FAM20A: variants seen among roughly 807,000 people sequenced by gnomAD.
FAM20A encodes the protein FAM20A golgi associated secretory pathway pseudokinase.
Under a neutral mutation model 52.0 loss-of-function variants are expected in FAM20A, and 42 were observed. The ratio of observed to expected loss-of-function variants is 0.81; its 90% CI spans 0.63 to 1.04. The LOEUF is 1.04. Among genes scored for constraint, FAM20A ranks in the 50% least tolerant of loss-of-function variants. The probability of loss-of-function intolerance (pLI) is 0.00; values close to 1 mark genes in which losing one functional copy is unlikely to be tolerated. For missense variants in FAM20A, 742 were observed against 712.7 expected, an observed-to-expected ratio of 1.04 and a Z score of -0.47; for synonymous variants, 304 against 298.9, an observed-to-expected ratio of 1.02 and a Z score of -0.18.
intron 1 of FAM20A, among the ~76,000 whole-genome samples, chr17:68,580,999 TC>T (rs1001725582): frequency 2.8e-4 from 43 of 152,098 alleles, no homozygotes; most frequent in Non-Finnish European, 4.4e-4. Flanking sequence ...TAATGATTTT[TC>T]CCCCTGATTA....
intron 4 of FAM20A, among the ~76,000 whole-genome samples, chr17:68,546,597 G>A (rs914027929): frequency 2.0e-5 from 3 of 152,050 alleles, no homozygotes; most frequent in Non-Finnish European, 2.9e-5. Flanking sequence ...TTGGGAGGCC[G>A]AGGCGGGCGG....
In FAM20A at chr17:68,539,997, C is replaced by G. The variant is rs370441655; in HGVS notation, c.1220-31G>C. ...AAGGAGGGGAGGACTTAGCTGGAAC[C>G]AGCAGGCCAGGGGGACAGGTGCTCC... On this transcript the variant is annotated intron_variant, in intron 8 of 10. Coordinates refer to ENST00000592554, the MANE Select transcript of FAM20A (RefSeq NM_017565.4). The G allele has an allele frequency of 2.5e-6, 4 of 1,601,740 alleles. No homozygotes were observed. The African/African-American group carries it at 5.4e-5, about 21-fold the overall frequency.
intron 7 of FAM20A, 34 bp from the exon 8 acceptor site, chr17:68,540,992 G>A: frequency 5.8e-6 from 9 of 1,556,102 alleles, no homozygotes; most frequent in Non-Finnish European, 7.8e-6. Context: ...GGCTGGAAAA[G>A]CCAAGATGGC....
chr17:68,584,985 T>C (rs1598074945), intron 1 of FAM20A, among the ~76,000 whole-genome samples: 2 of 152,250 alleles, frequency 1.3e-5, no homozygotes, highest in African/African-American at 4.8e-5. Flanking sequence ...GGTTGCTTTA[T>C]TGATGTTTTT....
rs1235580065 is a variant in FAM20A at position 68,600,135 on chromosome 17, GC to G, written c.404+127del. ...GTGGGGAACACACTCTAAGCCCAGCGCCAGGGCTGGAGCCGTGGGTGGAGCC... is the reference window on the plus strand; with the variant it reads ...GTGGGGAACACACTCTAAGCCCAGCGCAGGGCTGGAGCCGTGGGTGGAGCC... On this transcript the variant is annotated intron_variant, in intron 1 of 10. Coordinates refer to ENST00000592554, the MANE Select transcript of FAM20A (RefSeq NM_017565.4). This position sits in a 1 kb window ranked among gnomAD's most constrained non-coding sequence, Gnocchi z 6.2. 1 of 1,129,164 alleles carries G rather than the reference GC, an allele frequency of 8.9e-7. No individual in the cohort carries two copies. The allele number at this position is 1,129,164 out of a possible 1,614,324, so 69.9% of individuals were successfully genotyped here. A position where few individuals can be genotyped will look rare whatever the true frequency, so the allele number is the denominator to read the frequency against.
intron 10 of FAM20A, among the ~76,000 whole-genome samples, chr17:68,538,565 T>G (rs1374215847): frequency 6.6e-6 from 1 of 152,236 alleles, no homozygotes; most frequent in Admixed American, 6.5e-5. Flanking sequence ...TTAGACATTC[T>G]CTAGAGAAAT....
chr17:68,539,767 C>T, intron 9 of FAM20A, 118 bp downstream of exon 9: 1 of 921,742 alleles, frequency 1.1e-6, no homozygotes, highest in East Asian at 2.5e-5. Flanking sequence ...TCGAAGGAGA[C>T]AAGGCACGTG....
intron 1 of FAM20A, among the ~76,000 whole-genome samples, chr17:68,574,261 C>A (rs547324058): frequency 1.3e-5 from 2 of 152,212 alleles, no homozygotes; most frequent in Admixed American, 1.3e-4. Flanking sequence ...GACAGGATCT[C>A]CCTATGTTGC....
intron 4 of FAM20A, among the ~76,000 whole-genome samples, chr17:68,550,760 C>G (rs905440557): frequency 2.0e-5 from 3 of 152,212 alleles, no homozygotes; most frequent in Non-Finnish European, 4.4e-5. Flanking sequence ...AGCTAGTCCA[C>G]TGGACTCCCT....
At chr17:68,544,896 GAAGT>G (rs1203930809) in intron 4 of FAM20A, among the ~76,000 whole-genome samples, 5 of 152,142 alleles carry the variant, frequency 3.3e-5, no homozygotes, top group African/African-American at 1.2e-4. Context: ...TGTAAGATAA[GAAGT>G]AATTTTAAAT....
intron 1 of FAM20A, among the ~76,000 whole-genome samples, chr17:68,596,019 C>T (rs2088441796): frequency 6.6e-6 from 1 of 152,188 alleles, no homozygotes; most frequent in Non-Finnish European, 1.5e-5. Context: ...TCTGGATCTT[C>T]TCAAAGCATC....
At chr17:68,587,833 A>G (rs2088202016) in intron 1 of FAM20A, among the ~76,000 whole-genome samples, 1 of 152,226 alleles carries the variant, frequency 6.6e-6, no homozygotes, top group Non-Finnish European at 1.5e-5. Context: ...AACAACTATT[A>G]TCACAAGTGC....
chr17:68,572,615 A>G (rs561015585), intron 1 of FAM20A, among the ~76,000 whole-genome samples: 11 of 152,300 alleles, frequency 7.2e-5, no homozygotes, highest in Non-Finnish European at 1.0e-4. Flanking sequence ...TCATGATAGA[A>G]TTATGCAGAA....
chr17:68,570,283 A>C (rs1222006099), intron 1 of FAM20A, among the ~76,000 whole-genome samples: 1 of 152,174 alleles, frequency 6.6e-6, no homozygotes, highest in Non-Finnish European at 1.5e-5. Context: ...ACCATTTGTC[A>C]GGCTGGTCTT....
At chr17:68,550,048 C>A (rs1217866319) in intron 4 of FAM20A, among the ~76,000 whole-genome samples, 1 of 152,074 alleles carries the variant, frequency 6.6e-6, no homozygotes, top group Non-Finnish European at 1.5e-5. Context: ...GGTTTTACTG[C>A]CTAGTGTAAC....
chr17:68,560,491 A>T (rs2087183860), intron 1 of FAM20A, among the ~76,000 whole-genome samples: 1 of 152,166 alleles, frequency 6.6e-6, no homozygotes, highest in Non-Finnish European at 1.5e-5. Flanking sequence ...CCCAGCCTCT[A>T]GTACTGCAAG....
intron 1 of FAM20A, among the ~76,000 whole-genome samples, chr17:68,581,414 CTTTTTCTCTTTTCTTTCTTTCT>C (rs2087974134): frequency 2.7e-5 from 3 of 111,072 alleles, no homozygotes; most frequent in African/African-American, 1.0e-4. Context: ...TTCTTTCTTT[CTTTTTCTCTTTTCTTTCTTTCT>C]TTTCTTTTTT....
Position 68,600,681 on chromosome 17 carries a change from G to A in FAM20A, c.-15C>T. ...AGCCCCGGCATGGCGTGCTGGCCAAGGGGGACGCCGGGGGCAGGCCGGCTG... is the reference window on the plus strand; with the variant it reads ...AGCCCCGGCATGGCGTGCTGGCCAAAGGGGACGCCGGGGGCAGGCCGGCTG... On this transcript the variant is annotated 5_prime_UTR_variant, in exon 1 of 11. Transcript: ENST00000592554. This position sits in a 1 kb window ranked among gnomAD's most constrained non-coding sequence, Gnocchi z 6.2. 1 of 1,532,344 alleles carries A rather than the reference G, an allele frequency of 6.5e-7. No homozygotes were observed. The highest frequency in any genetic ancestry group is 8.7e-7 in the Non-Finnish European group (1 of 1,145,824). 94.9% of individuals were successfully genotyped at this position (1,532,344 alleles called of 1,614,324 possible).
intron 1 of FAM20A, among the ~76,000 whole-genome samples, chr17:68,578,875 C>T (rs1337669353): frequency 3.0e-5 from 3 of 100,064 alleles, no homozygotes; most frequent in Admixed American, 1.1e-4. Context: ...AATTACTGGG[C>T]GTGGTGGCAG....
Sources: gnomAD v4.1 joint callset for allele counts (sites outside exome capture counted in the v4.1 genomes callset) on GRCh38, gnomAD v4.1.1 for gene constraint, Gnocchi (gnomAD v3.1) non-coding constraint, MANE v1.5 for transcripts, NCBI Gene and HGNC (gene_info 2026-07-23, HGNC 2026-07-21) for gene names.